Variants in CHRNA7 observed in about 807,000 individuals in gnomAD.
CHRNA7 encodes the protein neuronal acetylcholine receptor subunit alpha-7.
A neutral mutation model predicts 48.0 loss-of-function variants in CHRNA7; 17 were observed. The ratio of observed to expected loss-of-function variants is 0.35; its 90% CI spans 0.24 to 0.53. CHRNA7 has a LOEUF of 0.53. CHRNA7 is among the 20% of genes least tolerant of loss of function. The pLI is 0.92. For missense variants in CHRNA7, 155 were observed against 577.7 expected (o/e 0.27, Z 7.50); for synonymous variants, 75 against 242.3 (o/e 0.31, Z 6.41).
In CHRNA7 at chr15:32,030,556, C is replaced by A. The variant is rs1355606873; in HGVS notation, c.-39C>A. 1 of 1,455,114 alleles carries A rather than the reference C, an allele frequency of 6.9e-7. No homozygotes were observed. The highest frequency in any genetic ancestry group is 9.0e-7 in the Non-Finnish European group (1 of 1,109,594). The allele number at this position is 1,455,114 out of a possible 1,614,324, so 90.1% of individuals were successfully genotyped here. A position where few individuals can be genotyped will look rare whatever the true frequency, so the allele number is the denominator to read the frequency against. On this transcript the variant is annotated 5_prime_UTR_variant, in exon 1 of 10. Transcript: ENST00000306901. ...GCGCAGGCCCGGGCGACAGCCGAGA[C>A]GTGGAGCGCGCCGGCTCGCTGCAGC...
In CHRNA7 at chr15:32,143,929, A is replaced by G. The variant is rs1180722275; in HGVS notation, c.351-9978A>G. ...TTTAGCCCATTTGCATTTAAGGTTA[A>G]TATTGTTATGTGTGAACTTGATCCT... On this transcript the variant is annotated intron_variant, in intron 4 of 9. Coordinates refer to ENST00000306901, the MANE Select transcript of CHRNA7 (RefSeq NM_000746.6). Among the ~76,000 whole-genome samples, 3 of 152,066 alleles carry G rather than the reference A, an allele frequency of 2.0e-5. No individual in the cohort carries two copies. In the East Asian group the frequency reaches 5.8e-4, roughly 29 times the overall value.
chr15:32,074,216 G>T (rs542270363), intron 2 of CHRNA7, among the ~76,000 whole-genome samples: 7 of 151,156 alleles, frequency 4.6e-5, no homozygotes, highest in Admixed American at 3.3e-4. Context: ...TTTTGTTTTT[G>T]TGGATTCTTC....
At chr15:32,089,507 C>A (rs747558250) in intron 2 of CHRNA7, among the ~76,000 whole-genome samples, 1 of 152,138 alleles carries the variant, frequency 6.6e-6, no homozygotes, top group Non-Finnish European at 1.5e-5. Context: ...TGCATACAGG[C>A]ATTCTTTATT....
At chr15:32,058,541 A>AT (rs749895687) in intron 2 of CHRNA7, among the ~76,000 whole-genome samples, 6 of 152,178 alleles carry the variant, frequency 3.9e-5, no homozygotes, top group Non-Finnish European at 5.9e-5. Flanking sequence ...AGTGTACTGA[A>AT]TTAGTGCTTG....
At chr15:32,102,647 A>G (rs1357172330) in intron 3 of CHRNA7, 1 of 152,208 alleles carries the variant, frequency 6.6e-6, no homozygotes, top group African/African-American at 2.4e-5. Context: ...TTGGCAATTT[A>G]TATCTCTGCC....
At chr15:32,045,628 C>T (rs2049527778) in intron 2 of CHRNA7, among the ~76,000 whole-genome samples, 1 of 151,846 alleles carries the variant, frequency 6.6e-6, no homozygotes, top group Non-Finnish European at 1.5e-5. Flanking sequence ...CCTCTCTCTC[C>T]CGGGTTCCAG....
At chr15:32,152,450 A>C (rs977527242) in intron 4 of CHRNA7, among the ~76,000 whole-genome samples, 12 of 152,176 alleles carry the variant, frequency 7.9e-5, no homozygotes, top group African/African-American at 2.2e-4. Flanking sequence ...TTCAAAAAAA[A>C]AGGGAAGCGT....
intron 4 of CHRNA7, among the ~76,000 whole-genome samples, chr15:32,134,161 T>TG (rs1053321482): frequency 3.3e-5 from 5 of 150,898 alleles, no homozygotes; most frequent in African/African-American, 1.2e-4. Flanking sequence ...TTTTTTTGTG[T>TG]GTTTTTTTTT....
At chr15:32,079,009 A>G (rs943361662) in intron 2 of CHRNA7, among the ~76,000 whole-genome samples, 2 of 152,208 alleles carry the variant, frequency 1.3e-5, no homozygotes, top group South Asian at 2.1e-4. Flanking sequence ...AGGAAAATCA[A>G]TAAATGTAGT....
intron 2 of CHRNA7, among the ~76,000 whole-genome samples, chr15:32,043,887 C>T (rs535025392): frequency 6.6e-6 from 1 of 152,210 alleles, no homozygotes; most frequent in Non-Finnish European, 1.5e-5. Flanking sequence ...ATGTTTGTTT[C>T]AAAACTTATT....
At chr15:32,052,350 G>A (rs1297372620) in intron 2 of CHRNA7, among the ~76,000 whole-genome samples, 1 of 152,168 alleles carries the variant, frequency 6.6e-6, no homozygotes, top group African/African-American at 2.4e-5. Context: ...CTAAGAAAGT[G>A]GATCTCACGG....
intron 4 of CHRNA7, among the ~76,000 whole-genome samples, chr15:32,133,475 C>T (rs1256043762): frequency 6.6e-6 from 1 of 152,190 alleles, no homozygotes; most frequent in Non-Finnish European, 1.5e-5. Context: ...AAAGTCATTA[C>T]CCAAGAAGGC....
chr15:32,086,168 G>A lies in CHRNA7; in HGVS notation c.196-15135G>A, dbSNP rs2050292122. Among the ~76,000 whole-genome samples, 3 of 151,988 alleles carry A rather than the reference G, an allele frequency of 2.0e-5. No individual in the cohort carries two copies. In the South Asian group the frequency reaches 6.2e-4, roughly 32 times the overall value. On this transcript the variant is annotated intron_variant, in intron 2 of 9. Transcript: ENST00000306901. The stretch of plus-strand genomic sequence containing the variant: ...GCAGATCATGAGGTCAGGAGATCGG[G>A]ACCATCCTGGCTAACATGGTGAAAC...
Position 32,071,197 on chromosome 15 carries a change from C to T in CHRNA7, c.196-30106C>T, listed in dbSNP as rs947216154. On this transcript the variant is annotated intron_variant, in intron 2 of 9. Transcript: ENST00000306901. Reference sequence around the variant, plus strand: ...CACAGCCTAGATCACTGTAAATCTTCAAATCTGGTGGGATGATTGCTTATA... The same window carrying T: ...CACAGCCTAGATCACTGTAAATCTTTAAATCTGGTGGGATGATTGCTTATA... Among the ~76,000 whole-genome samples the T allele has an allele frequency of 2.0e-5, 3 of 152,258 alleles. No homozygotes were observed. In the East Asian group the frequency reaches 5.8e-4, roughly 29 times the overall value.
At position 32,119,431 on chromosome 15, in the gene CHRNA7, G is replaced by C. The variant is rs2050929199; in HGVS notation, c.350+7532G>C. Among the ~76,000 whole-genome samples the C allele has an allele frequency of 3.9e-5, 6 of 152,298 alleles. No individual in the cohort carries two copies. The South Asian group carries it at 1.2e-3, about 32-fold the overall frequency. ...CCTGAGGCGGGAACATGCTATCCAG[G>C]TCTGTCCTAGGAGCAAATTCAGCTG... On this transcript the variant is annotated intron_variant, in intron 4 of 9. Coordinates refer to ENST00000306901, the MANE Select transcript of CHRNA7 (RefSeq NM_000746.6).
intron 4 of CHRNA7, among the ~76,000 whole-genome samples, chr15:32,152,227 G>A (rs971482284): frequency 2.0e-5 from 3 of 152,068 alleles, no homozygotes; most frequent in Admixed American, 2.0e-4. Context: ...GGTGGATCAC[G>A]AGGCCAGGAG....
intron 4 of CHRNA7, among the ~76,000 whole-genome samples, chr15:32,126,198 T>C (rs2051063562): frequency 6.6e-6 from 1 of 152,198 alleles, no homozygotes; most frequent in African/African-American, 2.4e-5. Context: ...GCTCCTTTGA[T>C]GTTCTTAGTA....
intron 3 of CHRNA7, chr15:32,101,671 C>T (rs2050576153): frequency 4.0e-6 from 1 of 250,438 alleles, no homozygotes; most frequent in African/African-American, 2.3e-5. Context: ...CACAGCCAGT[C>T]CCCAGGACTC....
chr15:32,137,152 G>A (rs2141329794), intron 4 of CHRNA7, among the ~76,000 whole-genome samples: 2 of 151,022 alleles, frequency 1.3e-5, no homozygotes, highest in Admixed American at 1.3e-4. Flanking sequence ...CAGTAGACAA[G>A]ATAAAAGTAA....
Sources: gnomAD v4.1 joint callset for allele counts (sites outside exome capture counted in the v4.1 genomes callset) on GRCh38, gnomAD v4.1.1 for gene constraint, MANE v1.5 for transcripts, NCBI Gene and HGNC (gene_info 2026-07-23, HGNC 2026-07-21) for gene names.